The following POU2F1 variants were observed in gnomAD, a reference collection of about 807,000 sequenced individuals.
POU2F1 encodes POU class 2 homeobox 1.
POU2F1 carries 16 observed loss-of-function variants against 84.9 expected under a neutral mutation model. That is an observed-to-expected ratio of 0.19 (90% CI 0.13 to 0.29). The LOEUF is 0.29. Ranked by LOEUF, POU2F1 falls within the 10% of genes least tolerant of loss-of-function variation. The probability of loss-of-function intolerance (pLI) is 1.00; values close to 1 mark genes in which losing one functional copy is unlikely to be tolerated. For missense variants in POU2F1, 738 were observed against 942.6 expected, an observed-to-expected ratio of 0.78 and a Z score of 2.84; for synonymous variants, 368 against 368.3, an observed-to-expected ratio of 1.00 and a Z score of 0.01.
At chr1:167,411,122 C>A (rs145897869) in intron 13 of POU2F1, among the ~76,000 whole-genome samples, 1,767 of 151,898 alleles carry the variant, frequency 0.012, 32 homozygotes, top group African/African-American at 0.04. Context: ...TCACTGCAAC[C>A]TCCGCCTCCC....
intron 1 of POU2F1, among the ~76,000 whole-genome samples, chr1:167,282,763 G>T (rs965341642): frequency 6.6e-6 from 1 of 152,110 alleles, no homozygotes; most frequent in Non-Finnish European, 1.5e-5. Context: ...TTCCTATAGG[G>T]TTTAGATATT....
At chr1:167,226,713 G>A (rs1197765494) in intron 1 of POU2F1, among the ~76,000 whole-genome samples, 1 of 152,106 alleles carries the variant, frequency 6.6e-6, no homozygotes, top group Non-Finnish European at 1.5e-5. Context: ...GTGGTTATGG[G>A]GTTCTGTGTG....
chr1:167,316,314 C>T (rs528030820), intron 1 of POU2F1, among the ~76,000 whole-genome samples: 1 of 152,072 alleles, frequency 6.6e-6, no homozygotes, highest in Non-Finnish European at 1.5e-5. Flanking sequence ...TTTGAAGATT[C>T]CTTTGCATTT....
At chr1:167,241,048 G>A (rs368030445) in intron 1 of POU2F1, among the ~76,000 whole-genome samples, 276 of 152,134 alleles carry the variant, frequency 1.8e-3, no homozygotes, top group African/African-American at 6.0e-3. Context: ...AGGCTGAGGC[G>A]GGAGAATCAC....
At chr1:167,293,946 C>T (rs1654103316) in intron 1 of POU2F1, among the ~76,000 whole-genome samples, 1 of 152,030 alleles carries the variant, frequency 6.6e-6, no homozygotes, top group Non-Finnish European at 1.5e-5. Flanking sequence ...TCACCTTATA[C>T]AAAAGTCAAT....
chr1:167,233,987 A>G (rs138204729), intron 1 of POU2F1, among the ~76,000 whole-genome samples: 94 of 152,298 alleles, frequency 6.2e-4, no homozygotes, highest in African/African-American at 2.1e-3. Context: ...TTGTTATCCT[A>G]TCTTTCAGGT....
chr1:167,280,310 T>G (rs1653041644), intron 1 of POU2F1, among the ~76,000 whole-genome samples: 1 of 151,480 alleles, frequency 6.6e-6, no homozygotes, highest in Admixed American at 6.6e-5. Context: ...GTGTTTGAGC[T>G]TGATTTTTTT....
intron 1 of POU2F1, among the ~76,000 whole-genome samples, chr1:167,284,710 T>C (rs1033097713): frequency 2.0e-5 from 3 of 152,212 alleles, no homozygotes; most frequent in African/African-American, 2.4e-5. Flanking sequence ...AAAGGGGCTT[T>C]TTAATGAAAA....
chr1:167,376,031 T>TCTTCAACAACTGCAACAG lies in POU2F1; in HGVS notation c.603_620dup (p.Leu202_Gln207dup). 1.2e-6 allele frequency: 2 copies of TCTTCAACAACTGCAACAG among 1,614,034 alleles called. No homozygotes were observed. The highest frequency in any genetic ancestry group is 1.7e-6 in the Non-Finnish European group (2 of 1,179,948). On this transcript the variant is annotated inframe_insertion, in exon 7 of 16. Transcript: ENST00000367866. ...ATGTTTTAATTCCAATTTTTCAGGA[T>TCTTCAACAACTGCAACAG]CTTCAACAACTGCAACAGCTTCAAC...
At chr1:167,287,685 T>C (rs1653630377) in intron 1 of POU2F1, among the ~76,000 whole-genome samples, 1 of 152,186 alleles carries the variant, frequency 6.6e-6, no homozygotes, top group African/African-American at 2.4e-5. Flanking sequence ...TCAAAATGAA[T>C]CTAATTGGAG....
At chr1:167,268,414 T>G (rs1026805573) in intron 1 of POU2F1, among the ~76,000 whole-genome samples, 2 of 152,146 alleles carry the variant, frequency 1.3e-5, no homozygotes, top group Admixed American at 6.5e-5. Flanking sequence ...TGACTCCCCC[T>G]TTCTTTCTCT....
At chr1:167,329,453 T>G in intron 1 of POU2F1, 1 of 881,756 alleles carries the variant, frequency 1.1e-6, no homozygotes, top group Non-Finnish European at 1.6e-6. Context: ...GGAAAGCATT[T>G]GCAAAGCACA....
rs558114474 is a variant in POU2F1, at chr1:167,422,515, G to A, written c.*6705G>A. On this transcript the variant is annotated 3_prime_UTR_variant, in exon 16 of 16. Coordinates refer to ENST00000367866, the MANE Select transcript of POU2F1 (RefSeq NM_002697.4). ...GCTAACCTGCCCACCTCACCCCTGT[G>A]ATACAAAGTGTGAACCTTAAGGATT... The A allele has an allele frequency of 1.8e-4, 28 of 152,324 alleles. No homozygotes were observed. The highest frequency in any genetic ancestry group is 6.7e-4 in the African/African-American group (28 of 41,578). 9.4% of individuals were successfully genotyped at this position (152,324 alleles called of 1,614,324 possible).
At chr1:167,253,707 C>A (rs1202965643) in intron 1 of POU2F1, among the ~76,000 whole-genome samples, 1 of 152,038 alleles carries the variant, frequency 6.6e-6, no homozygotes, top group East Asian at 1.9e-4. Context: ...GATTATAAGC[C>A]TGAGCCACCA....
chr1:167,401,648 C>T (rs1476228006), intron 13 of POU2F1, 92 bp downstream of exon 13: 3 of 706,266 alleles, frequency 4.2e-6, no homozygotes, highest in Non-Finnish European at 4.2e-6. Flanking sequence ...TGAATTAAGG[C>T]CCTAACTAAA....
rs370247317 is a variant in POU2F1 at position 167,336,982 on chromosome 1, A to G, written c.127+4447A>G. Reference sequence around the variant, plus strand: ...GGAGTTTGAGACCAGCCTGACCAACATGGTGAAACCCCATCTCTACTAAAA... The same window carrying G: ...GGAGTTTGAGACCAGCCTGACCAACGTGGTGAAACCCCATCTCTACTAAAA... On this transcript the variant is annotated intron_variant, in intron 2 of 15. Transcript: ENST00000367866. Among the ~76,000 whole-genome samples, 25 of 152,250 alleles carry G rather than the reference A, an allele frequency of 1.6e-4. No homozygotes were observed. In the East Asian group the frequency reaches 4.4e-3, roughly 27 times the overall value.
chr1:167,416,197 A>G lies in POU2F1; in HGVS notation c.*387A>G, dbSNP rs1319500552. On this transcript the variant is annotated 3_prime_UTR_variant, in exon 16 of 16. Transcript: ENST00000367866. ...GATGACAAGTTAAGGTGGGTTACCAATTCCAATATAGGAAGGGGATTTCTT... is the reference window on the plus strand; with the variant it reads ...GATGACAAGTTAAGGTGGGTTACCAGTTCCAATATAGGAAGGGGATTTCTT... 4 of 326,196 alleles carry G rather than the reference A, an allele frequency of 1.2e-5. No homozygotes were observed. In the East Asian group the frequency reaches 3.4e-4, roughly 28 times the overall value. 20.2% of individuals were successfully genotyped at this position (326,196 alleles called of 1,614,324 possible).
intron 13 of POU2F1, among the ~76,000 whole-genome samples, chr1:167,405,514 CAAAA>C (rs776024958): frequency 2.3e-5 from 2 of 88,178 alleles, no homozygotes; most frequent in African/African-American, 8.6e-5. Context: ...CTTGTCTCTA[CAAAA>C]AAAAAAAAAA....
At chr1:167,241,700 G>A (rs1649915644) in intron 1 of POU2F1, 1 of 152,162 alleles carries the variant, frequency 6.6e-6, no homozygotes, top group South Asian at 2.1e-4. Flanking sequence ...GGTATGCTAA[G>A]CACTGTTCTA....
Sources: allele counts gnomAD v4.1 joint callset (sites outside exome capture counted in the v4.1 genomes callset), GRCh38; gene constraint gnomAD v4.1.1; transcripts MANE v1.5; gene names NCBI Gene and HGNC (gene_info 2026-07-23, HGNC 2026-07-21).